The following ZNF687 variants were observed in gnomAD, a reference collection of about 807,000 sequenced individuals.
ZNF687 encodes zinc finger protein 687.
In ZNF687, 13 loss-of-function variants were observed where a neutral mutation model predicts 71.8. That is an observed-to-expected ratio of 0.18 (90% CI 0.12 to 0.29). ZNF687 has a LOEUF of 0.29. ZNF687 is among the 10% of genes least tolerant of loss of function. The pLI is 1.00. For synonymous variants in ZNF687, 673 were observed against 641.6 expected, an observed-to-expected ratio of 1.05 and a Z score of -0.74; for missense variants, 1,412 against 1,625.6, an observed-to-expected ratio of 0.87 and a Z score of 2.26.
rs978932459 is a variant in ZNF687 at position 151,291,646 on chromosome 1, G to T, written c.*437G>T. 2.1e-5 allele frequency: 3 copies of T among 145,682 alleles called. No homozygotes were observed. Among genetic ancestry groups the T allele is most frequent in the Non-Finnish European group, 4.6e-5 (3 of 64,882 alleles). 9.0% of individuals were successfully genotyped at this position (145,682 alleles called of 1,614,324 possible). Reference sequence around the variant, plus strand: ...GGGCCCTGCCCTAGTGCCCACCCCCGCCCCCGCCCCCGCCCAACCCCAACT... The same window carrying T: ...GGGCCCTGCCCTAGTGCCCACCCCCTCCCCCGCCCCCGCCCAACCCCAACT... On this transcript the variant is annotated 3_prime_UTR_variant, in exon 9 of 9. Transcript: ENST00000336715.
In ZNF687 at chr1:151,289,419, A is replaced by G; in HGVS notation, c.2513A>G (p.His838Arg). The change falls in exon 5 of 9, where the codon CAC becomes CGC. Residue 838 changes from histidine to arginine, a missense_variant. This residue lies in a region of ZNF687 where 106 missense variants were observed against 146.0 expected (regional missense o/e 0.73). Coordinates refer to ENST00000336715, the MANE Select transcript of ZNF687 (RefSeq NM_020832.3). The stretch of plus-strand genomic sequence containing the variant: ...GCCATGTGCGACACAGTCTTCACTC[A>G]CAAACCCCTCCTCTCCTCACACTTC... ...KCAMCDTVFT[H>R]KPLLSSHFDQ... is the part of the protein sequence containing the mutation. 6.2e-7 allele frequency: 1 copy of G among 1,614,160 alleles called. No homozygotes were observed.
rs1396437662 is a variant in ZNF687, at chr1:151,287,746, G to T, written c.1455G>T (p.Gly485=). 6.2e-7 allele frequency: 1 copy of T among 1,613,990 alleles called. No individual in the cohort carries two copies. The highest frequency in any genetic ancestry group is 8.5e-7 in the Non-Finnish European group (1 of 1,180,010). ...PSKTATGPST[G]GGTVISRTQS... is the part of the protein sequence containing the mutation. ...AGACAGCTACTGGGCCAAGTACAGG[G>T]GGCGGCACAGTGATATCACGGACCC... The change falls in exon 2 of 9, where the codon GGG becomes GGT. Residue 485 remains glycine (G), a synonymous_variant. Coordinates refer to ENST00000336715, the MANE Select transcript of ZNF687 (RefSeq NM_020832.3). The surrounding 1 kb of genome is among the most constrained non-coding windows in gnomAD (Gnocchi z 5.0).
chr1:151,289,803 G>A lies in ZNF687; in HGVS notation c.2760G>A (p.Glu920=), dbSNP rs1694123764. 3 of 1,566,158 alleles carry A rather than the reference G, an allele frequency of 1.9e-6. No individual in the cohort carries two copies. The highest frequency in any genetic ancestry group is 1.7e-6 in the Non-Finnish European group (2 of 1,154,924). The stretch of plus-strand genomic sequence containing the variant: ...AGGGAGGGGCAGCCCCTGCTACTGA[G>A]GAGTCGTCTTCATCTTCAGAAGAGG... ...VSQGGAAPAT[E]ESSSSSEEEE... Residue 920 remains glutamate, a synonymous_variant, in exon 6 of 9, where the codon GAG becomes GAA. Coordinates refer to ENST00000336715, the MANE Select transcript of ZNF687 (RefSeq NM_020832.3).
chr1:151,282,290 G>T, upstream of ZNF687: 1 of 1,003,382 alleles, frequency 1.0e-6, no homozygotes, highest in Non-Finnish European at 1.2e-6. Context: ...GGCCGAACCG[G>T]AGAGAAGCAG....
In ZNF687 at chr1:151,288,304, A is replaced by G. The variant is rs376638678; in HGVS notation, c.2013A>G (p.Thr671=). 38 of 1,612,740 alleles carry G rather than the reference A, an allele frequency of 2.4e-5. 1 individual carries two copies. In the South Asian group the frequency reaches 3.3e-4, roughly 14 times the overall value. The change falls in exon 2 of 9, where the codon ACA becomes ACG. Residue 671 remains threonine (T), a synonymous_variant. Coordinates refer to ENST00000336715, the MANE Select transcript of ZNF687 (RefSeq NM_020832.3). ...PPAAPATSAY[T]CFRCLECKEQ... The stretch of plus-strand genomic sequence containing the variant: ...CTGCCCCGGCCACCTCTGCTTACAC[A>G]TGCTTTCGCTGCCTGGAGTGCAAGG...
Position 151,287,329 on chromosome 1 carries a change from A to G in ZNF687, c.1038A>G (p.Val346=). Residue 346 remains valine, a synonymous_variant, in exon 2 of 9, where the codon GTA becomes GTG. Coordinates refer to ENST00000336715, the MANE Select transcript of ZNF687 (RefSeq NM_020832.3). This position sits in a 1 kb window ranked among gnomAD's most constrained non-coding sequence, Gnocchi z 5.0. ...KTSCGNITRT[V]TQVPSDPDPP... ...CCTGCGGGAATATCACAAGGACTGTAACTCAGGTCCCCTCAGATCCTGATC... is the reference window on the plus strand; with the variant it reads ...CCTGCGGGAATATCACAAGGACTGTGACTCAGGTCCCCTCAGATCCTGATC... The G allele has an allele frequency of 6.2e-7, 1 of 1,614,184 alleles. No individual in the cohort carries two copies. The highest frequency in any genetic ancestry group is 8.5e-7 in the Non-Finnish European group (1 of 1,180,034).
In ZNF687 at chr1:151,288,698, A is replaced by G. The variant is rs1448226762; in HGVS notation, c.2286A>G (p.Val762=). The change falls in exon 3 of 9, where the codon GTA becomes GTG. Residue 762 remains valine (V), a synonymous_variant. Coordinates refer to ENST00000336715, the MANE Select transcript of ZNF687 (RefSeq NM_020832.3). The stretch of plus-strand genomic sequence containing the variant: ...CCTGTCTGCACGTCTCTCGCCGTGT[A>G]GGATACAGGTGCCTCGGACCCTTCC... ...REACLHVSRR[V]GYRCPSCSVV... is the part of the protein sequence containing the mutation. The G allele has an allele frequency of 1.9e-6, 3 of 1,612,160 alleles. No individual in the cohort carries two copies. Among genetic ancestry groups the G allele is most frequent in the East Asian group, 2.2e-5 (1 of 44,868 alleles).
In ZNF687 at chr1:151,291,235, C is replaced by A; in HGVS notation, c.*26C>A. 4 of 1,569,304 alleles carry A rather than the reference C, an allele frequency of 2.5e-6. No individual in the cohort carries two copies. The South Asian group carries it at 3.5e-5, about 14-fold the overall frequency. On this transcript the variant is annotated 3_prime_UTR_variant, in exon 9 of 9. Coordinates refer to ENST00000336715, the MANE Select transcript of ZNF687 (RefSeq NM_020832.3). ...TCTCCAAGGCCTGGGACTGACCAGC[C>A]CCTTCCTCTTGGAGCCTGGTTTTCC...
At position 151,291,153 on chromosome 1, in the gene ZNF687, C is replaced by T. The variant is rs1452421185; in HGVS notation, c.3658C>T (p.Arg1220Cys). 5 of 1,613,082 alleles carry T rather than the reference C, an allele frequency of 3.1e-6. No homozygotes were observed. Among genetic ancestry groups the T allele is most frequent in the African/African-American group, 1.3e-5 (1 of 75,028 alleles). The change falls in exon 9 of 9, where the codon CGC (arginine) becomes TGC (cysteine). Residue 1220 changes from arginine to cysteine, a missense_variant. This residue lies in a region of ZNF687 where 284 missense variants were observed against 359.2 expected (regional missense o/e 0.79). Coordinates refer to ENST00000336715, the MANE Select transcript of ZNF687 (RefSeq NM_020832.3). Reference sequence around the variant, plus strand: ...CCCTCTAAACCTCAAGACCCACTTCCGCACGCATGGCATGGCGTTCATCAG... The same window carrying T: ...CCCTCTAAACCTCAAGACCCACTTCTGCACGCATGGCATGGCGTTCATCAG... Reference protein sequence around the residue: ...DSPLNLKTHFRTHGMAFIRAR... With the variant: ...DSPLNLKTHFCTHGMAFIRAR...
chr1:151,289,046 C>A (rs1420787302), intron 3 of ZNF687, 49 bp from the exon 4 acceptor site: 2 of 1,578,938 alleles, frequency 1.3e-6, no homozygotes, highest in Non-Finnish European at 1.7e-6. Flanking sequence ...CCGGGGTGGG[C>A]ATGGAGATGC....
chr1:151,286,201 G>A, intron 1 of ZNF687, 74 bp from the exon 2 acceptor site: 5 of 1,259,428 alleles, frequency 4.0e-6, no homozygotes, highest in Non-Finnish European at 5.5e-6. Flanking sequence ...TAAATATGGA[G>A]ATGCTGAGGG....
At chr1:151,282,014 G>A, upstream of ZNF687, 1 of 1,251,402 alleles carries the variant, frequency 8.0e-7, no homozygotes, top group East Asian at 5.9e-5. Context: ...CGACAGTGGC[G>A]GAGGCCAATC....
At position 151,290,524 on chromosome 1, in the gene ZNF687, C is replaced by T. The variant is rs938678836; in HGVS notation, c.3170C>T (p.Ser1057Phe). 1.2e-6 allele frequency: 2 copies of T among 1,613,850 alleles called. No homozygotes were observed. The highest frequency in any genetic ancestry group is 1.3e-5 in the African/African-American group (1 of 75,058). Residue 1057 changes from serine to phenylalanine, a missense_variant, in exon 8 of 9, where the codon TCC becomes TTC. Ser to Phe is a radical substitution (Grantham distance 155). Around this residue, in one of 8 missense-constraint regions of ZNF687, gnomAD observed 284 missense variants for 359.2 expected, o/e 0.79. Coordinates refer to ENST00000336715, the MANE Select transcript of ZNF687 (RefSeq NM_020832.3). ...CACGGCTTGCAGCTTGGGGCCCAGT[C>T]CCCTGGCCGGGGGACCACCTTGGCT... is the stretch of plus-strand genomic sequence containing the variant. ...VRHGLQLGAQ[S>F]PGRGTTLARG...
Position 151,291,276 on chromosome 1 carries a change from C to G in ZNF687, c.*67C>G. 1.3e-6 allele frequency: 2 copies of G among 1,517,570 alleles called. No homozygotes were observed. Among genetic ancestry groups the G allele is most frequent in the Non-Finnish European group, 1.8e-6 (2 of 1,132,164 alleles). 94.0% of individuals were successfully genotyped at this position (1,517,570 alleles called of 1,614,324 possible). A position where few individuals can be genotyped will look rare whatever the true frequency, so the allele number is the denominator to read the frequency against. On this transcript the variant is annotated 3_prime_UTR_variant, in exon 9 of 9. Transcript: ENST00000336715. ...CTGGTTTTCCCTACTGCTGCCTGAT[C>G]CCTCGGCTGGGGAGTTTTCATTAAC... is the stretch of plus-strand genomic sequence containing the variant.
chr1:151,286,584 T>G lies in ZNF687; in HGVS notation c.293T>G (p.Leu98Arg). 6.2e-7 allele frequency: 1 copy of G among 1,614,202 alleles called. No individual in the cohort carries two copies. The highest frequency in any genetic ancestry group is 8.5e-7 in the Non-Finnish European group (1 of 1,180,032). ...GTGTGTCCCGAGCAGTCTGAGGCCC[T>G]GGCTGGAGGCTCAGCAGGAGACGGG... The part of the protein sequence containing the change: ...NTVCPEQSEA[L>R]AGGSAGDGAQ... Residue 98 changes from leucine (L) to arginine (R), a missense_variant, in exon 2 of 9, where the codon CTG (leucine) becomes CGG (arginine). Transcript: ENST00000336715.
intron 4 of ZNF687, 21 bp downstream of exon 4, chr1:151,289,292 G>C: frequency 6.2e-7 from 1 of 1,612,800 alleles, no homozygotes. Flanking sequence ...GGGGAGGGCC[G>C]GGCTGGGCCA....
At position 151,286,552 on chromosome 1, in the gene ZNF687, G is replaced by C; in HGVS notation, c.261G>C (p.Lys87Asn). 1.2e-6 allele frequency: 2 copies of C among 1,614,220 alleles called. No homozygotes were observed. The highest frequency in any genetic ancestry group is 2.2e-5 in the East Asian group (1 of 44,874). ...PDISVVSVIV[K>N]NTVCPEQSEA... ...TTTCTGTAGTCAGTGTCATTGTCAA[G>C]AACACTGTGTGTCCCGAGCAGTCTG... Residue 87 changes from lysine to asparagine, a missense_variant, in exon 2 of 9, where the codon AAG becomes AAC. Physicochemically the swap from Lys to Asn is moderately conservative, Grantham distance 94. Transcript: ENST00000336715.
chr1:151,289,275 A>C lies in ZNF687; in HGVS notation c.2471+4A>C. 6.2e-7 allele frequency: 1 copy of C among 1,613,546 alleles called. No homozygotes were observed. The highest frequency in any genetic ancestry group is 2.2e-5 in the East Asian group (1 of 44,866). ...GCTTCCAAACTCAGCAGGCCAAGTG[A>C]GGCCCGGGGGAGGGCCGGGCTGGGC... On this transcript the variant is annotated splice_donor_region_variant and intron_variant, in intron 4 of 8. Transcript: ENST00000336715.
chr1:151,291,474 A>G lies in ZNF687; in HGVS notation c.*265A>G. 2 of 385,370 alleles carry G rather than the reference A, an allele frequency of 5.2e-6. No homozygotes were observed. Among genetic ancestry groups the G allele is most frequent in the South Asian group, 3.6e-5 (1 of 28,026 alleles). 23.9% of individuals were successfully genotyped at this position (385,370 alleles called of 1,614,324 possible). On this transcript the variant is annotated 3_prime_UTR_variant, in exon 9 of 9. Coordinates refer to ENST00000336715, the MANE Select transcript of ZNF687 (RefSeq NM_020832.3). ...ATTAATTTTATGCTCCTGCTGCAGA[A>G]CCCCCAGTGTGGGCCTGGGGGTGGG...
Sources: allele counts gnomAD v4.1 joint callset, GRCh38; gene constraint gnomAD v4.1.1; regional missense constraint gnomAD v4.1.1; non-coding constraint Gnocchi (gnomAD v3.1); transcripts MANE v1.5; gene names NCBI Gene and HGNC (gene_info 2026-07-23, HGNC 2026-07-21).